The following RPS6KA3 variants were observed in gnomAD, a reference collection of about 807,000 sequenced individuals.
RPS6KA3 encodes ribosomal protein S6 kinase alpha-3.
RPS6KA3 carries 4 observed loss-of-function variants against 67.2 expected under a neutral mutation model. The ratio of observed to expected loss-of-function variants is 0.06; its 90% CI spans 0.03 to 0.14. RPS6KA3 has a LOEUF of 0.14. Among genes scored for constraint, RPS6KA3 ranks in the 10% least tolerant of loss-of-function variants. The pLI is 1.00. For synonymous variants in RPS6KA3, 182 were observed against 183.7 expected, an observed-to-expected ratio of 0.99 and a Z score of 0.07; for missense variants, 204 against 559.0, an observed-to-expected ratio of 0.36 and a Z score of 6.40.
chrX:20,226,732 C>T (rs753779085), intron 2 of RPS6KA3, among the ~76,000 whole-genome samples: 3 of 111,715 alleles, frequency 2.7e-5, no homozygotes, highest in Non-Finnish European at 5.6e-5. Flanking sequence ...AATATATATG[C>T]TCTTGGTACC....
At chrX:20,234,882 C>CAA in intron 1 of RPS6KA3, 68 bp from the exon 2 acceptor site, 1 of 800,081 alleles carries the variant, frequency 1.2e-6, no homozygotes, top group Admixed American at 2.9e-5. Flanking sequence ...TAAATGAAGG[C>CAA]AGACAAAAAA....
rs1569198390 is a variant in RPS6KA3, at chrX:20,169,383, T to C, written c.1443+19A>G. On this transcript the variant is annotated intron_variant, in intron 16 of 21. Transcript: ENST00000379565. ...TTAGACAACTGATTCAAATGATCCA[T>C]ATTAAAGAATCTACTTACATCCTTT... 3 of 946,130 alleles carry C rather than the reference T, an allele frequency of 3.2e-6. No homozygotes were observed. The highest frequency in any genetic ancestry group is 1.9e-5 in the South Asian group (1 of 51,659). The allele number at this position is 946,130 out of a possible 1,213,427, so 78.0% of individuals were successfully genotyped here.
chrX:20,180,090 A>G (rs918495606), intron 10 of RPS6KA3, among the ~76,000 whole-genome samples: 1 of 109,432 alleles, frequency 9.1e-6, no homozygotes, highest in African/African-American at 3.4e-5. Flanking sequence ...CCTCATCTCC[A>G]AAATTTAAAC....
intron 2 of RPS6KA3, among the ~76,000 whole-genome samples, chrX:20,221,630 C>T (rs1424295902): frequency 8.9e-6 from 1 of 111,828 alleles, no homozygotes; most frequent in African/African-American, 3.3e-5. Flanking sequence ...GGTAAGGCTG[C>T]GTTCCAATAA....
intron 1 of RPS6KA3, among the ~76,000 whole-genome samples, chrX:20,255,108 A>T (rs2070001922): frequency 8.9e-6 from 1 of 112,531 alleles, no homozygotes; most frequent in African/African-American, 3.2e-5. Flanking sequence ...TGATAAATGG[A>T]TAAACAAACT....
chrX:20,150,727 T>C lies in RPS6KA3; in HGVS notation c.*4671A>G, dbSNP rs2067090177. On this transcript the variant is annotated 3_prime_UTR_variant, in exon 22 of 22. Coordinates refer to ENST00000379565, the MANE Select transcript of RPS6KA3 (RefSeq NM_004586.3). ...CTAATCTACTTAGAGAGGACTATTA[T>C]AGCGACTCTCTTCTCATATACGTTT... is the stretch of plus-strand genomic sequence containing the variant. 1 of 112,614 alleles carries C rather than the reference T, an allele frequency of 8.9e-6. No individual in the cohort carries two copies. The highest frequency in any genetic ancestry group is 1.9e-5 in the Non-Finnish European group (1 of 53,230). 9.3% of individuals were successfully genotyped at this position (112,614 alleles called of 1,213,427 possible). A position where few individuals can be genotyped will look rare whatever the true frequency, so the allele number is the denominator to read the frequency against.
chrX:20,169,294 C>A (rs2067517191), intron 16 of RPS6KA3, 108 bp downstream of exon 16: 2 of 595,881 alleles, frequency 3.4e-6, no homozygotes, highest in Non-Finnish European at 2.9e-6. Context: ...GCCACTGTGC[C>A]CAGCCTATGA....
At chrX:20,196,799 T>C (rs1214568098) in intron 4 of RPS6KA3, among the ~76,000 whole-genome samples, 1 of 111,901 alleles carries the variant, frequency 8.9e-6, no homozygotes, top group Non-Finnish European at 1.9e-5. Flanking sequence ...TTTCATTACC[T>C]TGCCCGATCG....
At chrX:20,264,231 C>T (rs945656998) in intron 1 of RPS6KA3, among the ~76,000 whole-genome samples, 3 of 112,073 alleles carry the variant, frequency 2.7e-5, no homozygotes, top group African/African-American at 9.7e-5. Flanking sequence ...TACTTTATGC[C>T]AGGATAGCAA....
chrX:20,263,009 T>A (rs773731259), intron 1 of RPS6KA3, among the ~76,000 whole-genome samples: 5 of 111,788 alleles, frequency 4.5e-5, no homozygotes, highest in South Asian at 3.7e-4. Flanking sequence ...GTTGATTTTT[T>A]AAATATTTTT....
chrX:20,256,246 GA>G (rs373307127), intron 1 of RPS6KA3, among the ~76,000 whole-genome samples: 37 of 57,357 alleles, frequency 6.5e-4, no homozygotes, highest in East Asian at 1.1e-3. Flanking sequence ...GACAGTCTAA[GA>G]AAAAAAAAAA....
chrX:20,227,643 C>T (rs138557912), intron 2 of RPS6KA3, among the ~76,000 whole-genome samples: 68 of 110,012 alleles, frequency 6.2e-4, no homozygotes, highest in African/African-American at 1.9e-3. Context: ...TTCAGAGGGA[C>T]GTTGTAATCT....
chrX:20,167,352 G>A (rs934429201), intron 17 of RPS6KA3, among the ~76,000 whole-genome samples: 7 of 111,541 alleles, frequency 6.3e-5, no homozygotes, highest in Non-Finnish European at 9.4e-5. Context: ...TTTCCAGGTC[G>A]GAAGAGATCA....
chrX:20,169,324 A>G (rs1011592351), intron 16 of RPS6KA3, 78 bp downstream of exon 16: 2 of 679,951 alleles, frequency 2.9e-6, no homozygotes, highest in East Asian at 3.2e-5. Context: ...TGTCTACCAC[A>G]TGATTTTTGA....
chrX:20,156,395 A>G (rs754929660), intron 20 of RPS6KA3, 146 bp from the exon 21 acceptor site: 4 of 602,711 alleles, frequency 6.6e-6, no homozygotes, highest in Admixed American at 2.6e-5. Flanking sequence ...AATTTGGGGG[A>G]AAAAAAATCA....
At chrX:20,177,697 T>C (rs1218271114) in intron 10 of RPS6KA3, among the ~76,000 whole-genome samples, 1 of 112,151 alleles carries the variant, frequency 8.9e-6, no homozygotes, top group Non-Finnish European at 1.9e-5. Context: ...AGCAAAGGGA[T>C]TGGTCTCTAG....
At chrX:20,186,430 T>TAA (rs758237862) in intron 9 of RPS6KA3, 64 bp from the exon 10 acceptor site, 53 of 557,634 alleles carry the variant, frequency 9.5e-5, no homozygotes, top group Non-Finnish European at 1.2e-4. Flanking sequence ...GGCCAGAAGG[T>TAA]AAAAAAAAAA....
intron 1 of RPS6KA3, among the ~76,000 whole-genome samples, chrX:20,242,061 C>T (rs1419974969): frequency 1.8e-5 from 2 of 111,339 alleles, no homozygotes; most frequent in African/African-American, 6.5e-5. Context: ...CTGAGTAAAA[C>T]AGTTAATCCC....
chrX:20,245,668 T>A (rs1188105144), intron 1 of RPS6KA3, among the ~76,000 whole-genome samples: 1 of 111,902 alleles, frequency 8.9e-6, no homozygotes, highest in Admixed American at 9.5e-5. Flanking sequence ...ATTGGTAATA[T>A]TTTCCAATCT....
Sources: gnomAD v4.1 joint callset for allele counts (sites outside exome capture counted in the v4.1 genomes callset) on GRCh38, gnomAD v4.1.1 for gene constraint, MANE v1.5 for transcripts, NCBI Gene and HGNC (gene_info 2026-07-23, HGNC 2026-07-21) for gene names.